The following DIAPH2 variants were observed in gnomAD, a reference collection of about 807,000 sequenced individuals.
DIAPH2 encodes protein diaphanous homolog 2.
A neutral mutation model predicts 92.7 loss-of-function variants in DIAPH2; 35 were observed. That is an observed-to-expected ratio of 0.38 (90% CI 0.29 to 0.50). The LOEUF (loss-of-function observed/expected upper bound fraction) is 0.50. DIAPH2 is among the 20% of genes least tolerant of loss of function. DIAPH2 has a pLI of 0.94. For synonymous variants in DIAPH2, 301 were observed against 280.4 expected, an observed-to-expected ratio of 1.07 and a Z score of -0.73; for missense variants, 701 against 819.5, an observed-to-expected ratio of 0.86 and a Z score of 1.77.
At chrX:97,473,258 G>A (rs1216004106) in intron 26 of DIAPH2, among the ~76,000 whole-genome samples, 1 of 112,179 alleles carries the variant, frequency 8.9e-6, no homozygotes, top group Non-Finnish European at 1.9e-5. Context: ...GGAAGAGACC[G>A]TTGGATAACA....
At chrX:97,295,737 T>TC (rs2068637704) in intron 23 of DIAPH2, among the ~76,000 whole-genome samples, 1 of 108,041 alleles carries the variant, frequency 9.3e-6, no homozygotes. Flanking sequence ...TTTTCTTCTT[T>TC]TTTTTTTTTT....
intron 17 of DIAPH2, among the ~76,000 whole-genome samples, chrX:97,062,722 C>G (rs753650451): frequency 1.8e-5 from 2 of 111,195 alleles, no homozygotes; most frequent in Non-Finnish European, 3.8e-5. Context: ...CACCAACAGA[C>G]TAAACTTGAC....
chrX:97,313,812 G>T (rs1381424668), intron 23 of DIAPH2, among the ~76,000 whole-genome samples: 2 of 109,947 alleles, frequency 1.8e-5, no homozygotes, highest in African/African-American at 6.6e-5. Flanking sequence ...CTAATTTTTT[G>T]TATTTTTAGT....
At chrX:96,917,304 A>C (rs2065511071) in intron 8 of DIAPH2, among the ~76,000 whole-genome samples, 1 of 111,437 alleles carries the variant, frequency 9.0e-6, no homozygotes, top group African/African-American at 3.2e-5. Flanking sequence ...GAACAGGACT[A>C]TGCAAAGATT....
intron 25 of DIAPH2, among the ~76,000 whole-genome samples, chrX:97,391,617 T>C (rs2069660287): frequency 9.0e-6 from 1 of 111,184 alleles, no homozygotes. Context: ...GTGTACACTT[T>C]CCGTAAAGCT....
intron 26 of DIAPH2, among the ~76,000 whole-genome samples, chrX:97,508,697 T>C (rs1480384683): frequency 8.9e-6 from 1 of 112,308 alleles, no homozygotes; most frequent in African/African-American, 3.2e-5. Context: ...CATGGCTTTG[T>C]TCTCTGAATG....
rs11382843 is a variant in DIAPH2, at chrX:97,461,234, CTT to C, written c.3241+31502_3241+31503del. Among the ~76,000 whole-genome samples, 580 of 97,916 alleles carry C rather than the reference CTT, an allele frequency of 5.9e-3. 2 individuals carry two copies. The highest frequency in any genetic ancestry group is 0.02 in the African/African-American group (547 of 26,885). 85.0% of individuals were successfully genotyped at this position (97,916 alleles called of 115,157 possible). On this transcript the variant is annotated intron_variant, in intron 26 of 26. Transcript: ENST00000324765. ...ACTCAAAATTCTAAGACTAGTTTGT[CTT>C]TTTTTTTTTTTTGTAGCAAATATCA...
At chrX:97,482,884 A>G (rs1433079879) in intron 26 of DIAPH2, among the ~76,000 whole-genome samples, 3 of 111,667 alleles carry the variant, frequency 2.7e-5, no homozygotes. Context: ...CCTCAGAGGC[A>G]TGTGGCCCAG....
At chrX:97,284,181 C>T (rs976711685) in intron 23 of DIAPH2, among the ~76,000 whole-genome samples, 3 of 111,551 alleles carry the variant, frequency 2.7e-5, no homozygotes, top group Non-Finnish European at 3.8e-5. Context: ...ATTTTAATAA[C>T]CAATGCAGCT....
intron 26 of DIAPH2, among the ~76,000 whole-genome samples, chrX:97,432,810 A>G (rs1460727901): frequency 9.1e-6 from 1 of 110,496 alleles, no homozygotes; most frequent in Non-Finnish European, 1.9e-5. Context: ...TTTAGTAGAG[A>G]CTGTGTTTTG....
intron 23 of DIAPH2, 92 bp downstream of exon 23, chrX:97,247,931 C>T (rs2068156084): frequency 8.1e-5 from 64 of 786,602 alleles, no homozygotes; most frequent in Non-Finnish European, 1.1e-4. Flanking sequence ...ATTTACTAGT[C>T]TTTTCACACC....
intron 23 of DIAPH2, among the ~76,000 whole-genome samples, chrX:97,302,010 C>T (rs766989204): frequency 1.8e-4 from 19 of 107,490 alleles, no homozygotes; most frequent in Non-Finnish European, 3.6e-4. Flanking sequence ...GTCAAGAGAT[C>T]GAGAACATCC....
chrX:96,895,541 T>C (rs2065339581), intron 5 of DIAPH2, among the ~76,000 whole-genome samples: 1 of 111,965 alleles, frequency 8.9e-6, no homozygotes, highest in South Asian at 3.7e-4. Context: ...GTATATTCTT[T>C]GTCTTAGAAA....
chrX:97,173,364 G>T (rs6620232), intron 22 of DIAPH2, among the ~76,000 whole-genome samples: 33,796 of 110,514 alleles, frequency 0.31, 4,169 homozygotes, highest in East Asian at 0.61. Flanking sequence ...TGGTACCACT[G>T]CCCTGTAGCC....
intron 4 of DIAPH2, among the ~76,000 whole-genome samples, chrX:96,820,598 A>G (rs1454480551): frequency 8.9e-6 from 1 of 112,916 alleles, no homozygotes; most frequent in Admixed American, 9.4e-5. Context: ...GAATATTTAT[A>G]GTTGATTGGT....
At chrX:97,160,064 G>A (rs2067356049) in intron 22 of DIAPH2, among the ~76,000 whole-genome samples, 1 of 97,536 alleles carries the variant, frequency 1.0e-5, no homozygotes, top group African/African-American at 3.7e-5. Flanking sequence ...GGGATTCTGG[G>A]CAAGGGTGTT....
chrX:96,954,071 C>T (rs185504326), intron 15 of DIAPH2: 16 of 112,057 alleles, frequency 1.4e-4, no homozygotes, highest in Non-Finnish European at 3.0e-4. Flanking sequence ...CTGTGTTAAA[C>T]AGGAGTGACA....
chrX:97,091,544 G>A (rs891739439), intron 19 of DIAPH2, among the ~76,000 whole-genome samples: 6 of 111,658 alleles, frequency 5.4e-5, no homozygotes, highest in Non-Finnish European at 1.1e-4. Flanking sequence ...CTAATAGCTG[G>A]AACCGAAACA....
chrX:96,870,528 G>A (rs1432994387), intron 4 of DIAPH2, among the ~76,000 whole-genome samples: 4 of 108,253 alleles, frequency 3.7e-5, no homozygotes, highest in African/African-American at 6.7e-5. Context: ...CGCCCGCCTC[G>A]GCCTCCCAAA....
Sources: allele counts gnomAD v4.1 joint callset (sites outside exome capture counted in the v4.1 genomes callset), GRCh38; gene constraint gnomAD v4.1.1; transcripts MANE v1.5; gene names NCBI Gene and HGNC (gene_info 2026-07-23, HGNC 2026-07-21).